Variants in BTRC observed in about 807,000 individuals in gnomAD.
BTRC encodes F-box/WD repeat-containing protein 1A.
In BTRC, 42 loss-of-function variants were observed where a neutral mutation model predicts 85.5. That is an observed-to-expected ratio of 0.49 (90% CI 0.38 to 0.64). The LOEUF is 0.64. BTRC is among the 30% of genes least tolerant of loss of function. The pLI is 0.00. For missense variants in BTRC, 594 were observed against 743.5 expected, an observed-to-expected ratio of 0.80 and a Z score of 2.34; for synonymous variants, 255 against 263.3, an observed-to-expected ratio of 0.97 and a Z score of 0.30.
At chr10:101,437,972 A>C (rs1380354999) in intron 2 of BTRC, among the ~76,000 whole-genome samples, 4 of 152,172 alleles carry the variant, frequency 2.6e-5, no homozygotes, top group African/African-American at 9.7e-5. Flanking sequence ...TGCTCTCTTA[A>C]ACTAGTCAGA....
At chr10:101,473,338 G>C (rs968470099) in intron 3 of BTRC, among the ~76,000 whole-genome samples, 2 of 151,428 alleles carry the variant, frequency 1.3e-5, no homozygotes, top group Non-Finnish European at 2.9e-5. Context: ...AGGCTGAAGT[G>C]CAGTGGCATG....
rs755481178 is a variant in BTRC, at chr10:101,549,713, C to CAAAAAAAAA, written c.1657-971_1657-963dup. The stretch of plus-strand genomic sequence containing the variant: ...GGGGCGAAAGAGCGAGACTCTGTCT[C>CAAAAAAAAA]AAAAAAAAAAAAAAAAAAAAAAAGA... On this transcript the variant is annotated intron_variant, in intron 13 of 14. Coordinates refer to ENST00000370187, the MANE Select transcript of BTRC (RefSeq NM_033637.4). Among the ~76,000 whole-genome samples, 42 of 42,762 alleles carry CAAAAAAAAA rather than the reference C, an allele frequency of 9.8e-4. 8 individuals are homozygous for CAAAAAAAAA. Among genetic ancestry groups the CAAAAAAAAA allele is most frequent in the African/African-American group, 4.0e-3 (31 of 7,734 alleles). The allele number at this position is 42,762 out of a possible 152,430, so 28.1% of individuals were successfully genotyped here. A position where few individuals can be genotyped will look rare whatever the true frequency, so the allele number is the denominator to read the frequency against.
chr10:101,463,538 T>C lies in BTRC; in HGVS notation c.234+1480T>C, dbSNP rs531319255. On this transcript the variant is annotated intron_variant, in intron 3 of 14. Transcript: ENST00000370187. ...TGAGCCTGAGCAGCAGTAAAAATAA[T>C]TCTAATTTACTTGGATTTATAGCAT... Among the ~76,000 whole-genome samples, 8 of 152,296 alleles carry C rather than the reference T, an allele frequency of 5.3e-5. No individual in the cohort carries two copies. The South Asian group carries it at 8.3e-4, about 16-fold the overall frequency.
At chr10:101,441,061 T>C (rs1329333480) in intron 2 of BTRC, among the ~76,000 whole-genome samples, 3 of 152,210 alleles carry the variant, frequency 2.0e-5, no homozygotes, top group Admixed American at 6.5e-5. Context: ...GAGAACCCAC[T>C]GTCTTGACTC....
intron 3 of BTRC, among the ~76,000 whole-genome samples, chr10:101,470,329 C>CTTTTTTTTTT (rs950644281): frequency 2.1e-5 from 2 of 94,930 alleles, no homozygotes; most frequent in Non-Finnish European, 4.0e-5. Context: ...ATTTTTCTTT[C>CTTTTTTTTTT]TTTTTTTTTT....
At chr10:101,443,134 G>A (rs192139463) in intron 2 of BTRC, among the ~76,000 whole-genome samples, 108 of 151,932 alleles carry the variant, frequency 7.1e-4, no homozygotes, top group Admixed American at 1.7e-3. Flanking sequence ...CGCCTGCCTC[G>A]GCCTCCCAAA....
intron 1 of BTRC, among the ~76,000 whole-genome samples, chr10:101,415,482 T>G: frequency 2.1e-4 from 1 of 4,848 alleles, no homozygotes; most frequent in Non-Finnish European, 8.2e-3. Context: ...TTATTTTATT[T>G]TATTTTATGT....
intron 12 of BTRC, 101 bp downstream of exon 12, chr10:101,536,754 A>T: frequency 9.2e-6 from 8 of 867,654 alleles, no homozygotes; most frequent in Non-Finnish European, 1.2e-5. Flanking sequence ...CTAAAAGCTT[A>T]TAGATTTTAC....
intron 2 of BTRC, among the ~76,000 whole-genome samples, chr10:101,450,605 A>G (rs902614486): frequency 6.6e-6 from 1 of 152,140 alleles, no homozygotes; most frequent in Non-Finnish European, 1.5e-5. Context: ...GATCTCTTAC[A>G]TTAACAGCCC....
At chr10:101,473,306 A>C (rs184850875) in intron 3 of BTRC, among the ~76,000 whole-genome samples, 2 of 149,558 alleles carry the variant, frequency 1.3e-5, no homozygotes, top group East Asian at 3.9e-4. Flanking sequence ...TTTTTTTGAG[A>C]TAGGGTCTCA....
intron 3 of BTRC, among the ~76,000 whole-genome samples, chr10:101,462,752 A>G (rs1242442930): frequency 6.6e-6 from 1 of 152,108 alleles, no homozygotes; most frequent in Non-Finnish European, 1.5e-5. Context: ...TGAAAGTTCA[A>G]TACCATTGTG....
chr10:101,494,357 A>C (rs1036308865), intron 4 of BTRC, among the ~76,000 whole-genome samples: 1 of 152,212 alleles, frequency 6.6e-6, no homozygotes, highest in Non-Finnish European at 1.5e-5. Flanking sequence ...TCTTCATTTC[A>C]TATGCTAAAA....
At chr10:101,537,400 C>T (rs1450569811) in intron 12 of BTRC, among the ~76,000 whole-genome samples, 3 of 152,066 alleles carry the variant, frequency 2.0e-5, no homozygotes, top group African/African-American at 7.2e-5. Context: ...TGGTTGCGGG[C>T]GCCTGTAATC....
chr10:101,552,184 A>C (rs571979627), intron 14 of BTRC, among the ~76,000 whole-genome samples: 2 of 148,940 alleles, frequency 1.3e-5, no homozygotes, highest in Non-Finnish European at 3.0e-5. Flanking sequence ...ATTTCATTTT[A>C]TTTTATTTTA....
Position 101,479,405 on chromosome 10 carries a change from A to G in BTRC, c.272A>G (p.Glu91Gly), listed in dbSNP as rs763583896. The G allele has an allele frequency of 5.6e-6, 9 of 1,613,494 alleles. No homozygotes were observed. The highest frequency in any genetic ancestry group is 1.1e-5 in the South Asian group (1 of 91,068). ...NSCARLCLNQ[E>G]TVCLASTAMK... is the part of the protein sequence containing the mutation. Reference sequence around the variant, plus strand: ...TGTGCCAGACTCTGCTTAAACCAAGAAACAGTATGTTTAGCAAGCACTGCT... The same window carrying G: ...TGTGCCAGACTCTGCTTAAACCAAGGAACAGTATGTTTAGCAAGCACTGCT... The change falls in exon 4 of 15, where the codon GAA becomes GGA. Residue 91 changes from glutamate (E) to glycine (G), a missense_variant. Around this residue, in one of 4 missense-constraint regions of BTRC, gnomAD observed 163 missense variants for 180.5 expected, o/e 0.90. Transcript: ENST00000370187.
At chr10:101,526,934 G>C (rs2062201044) in intron 6 of BTRC, among the ~76,000 whole-genome samples, 1 of 152,152 alleles carries the variant, frequency 6.6e-6, no homozygotes, top group Admixed American at 6.5e-5. Context: ...CAGTCTAAGA[G>C]ACTTCACTAA....
intron 9 of BTRC, among the ~76,000 whole-genome samples, chr10:101,533,869 G>A (rs1237459276): frequency 1.3e-5 from 2 of 152,148 alleles, no homozygotes; most frequent in African/African-American, 2.4e-5. Flanking sequence ...GGCCCTTGTA[G>A]TTACTGACAT....
At chr10:101,534,584 G>C (rs959347675) in intron 9 of BTRC, 77 bp from the exon 10 acceptor site, 2 of 1,564,776 alleles carry the variant, frequency 1.3e-6, no homozygotes, top group Non-Finnish European at 1.7e-6. Context: ...TATAAGGGGT[G>C]GAAGGGCGCA....
At chr10:101,446,110 AC>A (rs1178565368) in intron 2 of BTRC, among the ~76,000 whole-genome samples, 2 of 44,516 alleles carry the variant, frequency 4.5e-5, no homozygotes, top group South Asian at 1.1e-3. Flanking sequence ...TTCCCCCCCC[AC>A]CCCCCCAACC....
Sources: gnomAD v4.1 joint callset for allele counts (sites outside exome capture counted in the v4.1 genomes callset) on GRCh38, gnomAD v4.1.1 for gene constraint, gnomAD v4.1.1 regional missense constraint, MANE v1.5 for transcripts, NCBI Gene and HGNC (gene_info 2026-07-23, HGNC 2026-07-21) for gene names.